The following ASIC2 variants were observed in gnomAD, a reference collection of about 807,000 sequenced individuals.
ASIC2 encodes the protein acid sensing ion channel subunit 2, also known as acid-sensing ion channel 2.
A neutral mutation model predicts 57.3 loss-of-function variants in ASIC2; 25 were observed. The ratio of observed to expected loss-of-function variants is 0.44; its 90% CI spans 0.32 to 0.61. The LOEUF (loss-of-function observed/expected upper bound fraction) is 0.61, where lower values mean the gene tolerates loss of function less well. ASIC2 is among the 20% of genes least tolerant of loss of function. The pLI, the probability that ASIC2 is intolerant of heterozygous loss-of-function variation, is 0.06. For synonymous variants in ASIC2, 319 were observed against 307.5 expected (o/e 1.04, Z -0.39); for missense variants, 641 against 738.1 (o/e 0.87, Z 1.52).
intron 1 of ASIC2, among the ~76,000 whole-genome samples, chr17:33,889,470 CATT>C (rs1344206171): frequency 1.3e-5 from 2 of 152,142 alleles, no homozygotes; most frequent in African/African-American, 2.4e-5. Flanking sequence ...GATTTGCCAT[CATT>C]ATTAACATTG....
chr17:33,099,417 C>T (rs1433882193), intron 2 of ASIC2, among the ~76,000 whole-genome samples: 2 of 152,196 alleles, frequency 1.3e-5, no homozygotes, highest in African/African-American at 4.8e-5. Flanking sequence ...TGTGGGAAAG[C>T]ACCTTATACA....
chr17:33,682,724 TA>T (rs111456961), intron 1 of ASIC2, among the ~76,000 whole-genome samples: 63 of 149,512 alleles, frequency 4.2e-4, no homozygotes, highest in Admixed American at 1.1e-3. Flanking sequence ...CTTGGGATAT[TA>T]AAAAAAAAAT....
chr17:34,073,049 A>G (rs1358509501), intron 1 of ASIC2, among the ~76,000 whole-genome samples: 8 of 152,236 alleles, frequency 5.3e-5, no homozygotes, highest in Non-Finnish European at 1.0e-4. Context: ...GTGATAGGAG[A>G]AAATGAGATG....
intron 1 of ASIC2, among the ~76,000 whole-genome samples, chr17:33,543,690 C>T (rs1001766114): frequency 3.3e-5 from 5 of 152,156 alleles, no homozygotes; most frequent in African/African-American, 7.2e-5. Context: ...TACATTACCT[C>T]GCTTAGTACT....
intron 1 of ASIC2, among the ~76,000 whole-genome samples, chr17:33,148,517 G>A (rs751631422): frequency 3.9e-5 from 6 of 152,210 alleles, no homozygotes; most frequent in Non-Finnish European, 8.8e-5. Context: ...TCCTAGGGCC[G>A]GAGGTCAAAC....
At chr17:33,404,582 A>C (rs1347295983) in intron 1 of ASIC2, among the ~76,000 whole-genome samples, 1 of 152,170 alleles carries the variant, frequency 6.6e-6, no homozygotes, top group Non-Finnish European at 1.5e-5. Context: ...CTTGCCTAAG[A>C]GCTCAGTTTT....
intron 1 of ASIC2, among the ~76,000 whole-genome samples, chr17:33,280,522 C>A (rs1177133512): frequency 1.3e-5 from 2 of 152,206 alleles, no homozygotes; most frequent in East Asian, 3.8e-4. Context: ...ACCTCCACAT[C>A]TGTTTGTTAG....
chr17:33,404,462 T>C (rs1185544415), intron 1 of ASIC2, among the ~76,000 whole-genome samples: 1 of 152,240 alleles, frequency 6.6e-6, no homozygotes, highest in East Asian at 1.9e-4. Context: ...GGATCAATCC[T>C]AGGCCTCCAG....
intron 1 of ASIC2, among the ~76,000 whole-genome samples, chr17:33,401,987 T>A (rs1368925007): frequency 2.6e-5 from 4 of 152,190 alleles, no homozygotes; most frequent in Non-Finnish European, 5.9e-5. Flanking sequence ...CTTCTTTGAC[T>A]CCAATTCCCT....
At chr17:33,433,312 T>C (rs1243451104) in intron 1 of ASIC2, among the ~76,000 whole-genome samples, 1 of 152,074 alleles carries the variant, frequency 6.6e-6, no homozygotes, top group Non-Finnish European at 1.5e-5. Flanking sequence ...GAAAACCAAA[T>C]ACCACATGTT....
At chr17:33,656,595 C>T (rs1297643876) in intron 1 of ASIC2, among the ~76,000 whole-genome samples, 1 of 152,170 alleles carries the variant, frequency 6.6e-6, no homozygotes, top group Non-Finnish European at 1.5e-5. Context: ...CTGCTCTCTC[C>T]ATCAGGAATA....
intron 1 of ASIC2, among the ~76,000 whole-genome samples, chr17:33,826,485 C>T (rs1441155729): frequency 6.6e-6 from 1 of 152,174 alleles, no homozygotes; most frequent in Non-Finnish European, 1.5e-5. Context: ...ATGAAGGTCA[C>T]CTTTCCCTTT....
intron 1 of ASIC2, among the ~76,000 whole-genome samples, chr17:33,478,993 G>GTTTTA (rs898683564): frequency 6.6e-5 from 10 of 152,128 alleles, no homozygotes; most frequent in African/African-American, 1.7e-4. Flanking sequence ...ACTTCCAGGA[G>GTTTTA]TTTTATTTTA....
chr17:33,471,267 T>C (rs1913042359), intron 1 of ASIC2, among the ~76,000 whole-genome samples: 1 of 152,198 alleles, frequency 6.6e-6, no homozygotes, highest in African/African-American at 2.4e-5. Context: ...TAGGAGAAAT[T>C]ACCTAGTTGG....
intron 1 of ASIC2, among the ~76,000 whole-genome samples, chr17:34,062,751 C>T (rs1909016392): frequency 1.3e-5 from 2 of 152,066 alleles, no homozygotes; most frequent in Non-Finnish European, 2.9e-5. Flanking sequence ...CCTTTACGCA[C>T]ATAAACTAGA....
intron 2 of ASIC2, among the ~76,000 whole-genome samples, chr17:33,102,118 C>T (rs938278809): frequency 6.6e-6 from 1 of 152,166 alleles, no homozygotes; most frequent in African/African-American, 2.4e-5. Flanking sequence ...TAGGCCAGAT[C>T]CTTGTCTCTG....
At chr17:33,660,859 C>T (rs1360581754) in intron 1 of ASIC2, among the ~76,000 whole-genome samples, 1 of 152,200 alleles carries the variant, frequency 6.6e-6, no homozygotes, top group Non-Finnish European at 1.5e-5. Flanking sequence ...CCTCCCACTG[C>T]ACCCACACGT....
At chr17:33,258,160 C>T (rs1225464790) in intron 1 of ASIC2, among the ~76,000 whole-genome samples, 1 of 152,206 alleles carries the variant, frequency 6.6e-6, no homozygotes, top group East Asian at 1.9e-4. Context: ...TCACAGCATT[C>T]ATTACGTGAA....
intron 1 of ASIC2, among the ~76,000 whole-genome samples, chr17:34,062,727 G>A (rs904521381): frequency 6.6e-6 from 1 of 151,942 alleles, no homozygotes; most frequent in African/African-American, 2.4e-5. Flanking sequence ...GATCATCCAA[G>A]GCTACTGTGA....
Sources: allele counts gnomAD v4.1 joint callset (sites outside exome capture counted in the v4.1 genomes callset), GRCh38; gene constraint gnomAD v4.1.1; transcripts MANE v1.5; gene names NCBI Gene and HGNC (gene_info 2026-07-23, HGNC 2026-07-21).